The following SKA2 variants were observed in gnomAD, a reference collection of about 807,000 sequenced individuals.
SKA2 encodes spindle and kinetochore-associated protein 2.
SKA2 carries 13 observed loss-of-function variants against 16.9 expected under a neutral mutation model. That is an observed-to-expected ratio of 0.77 (90% CI 0.50 to 1.22). The LOEUF is 1.22. Among genes scored for constraint, SKA2 ranks in the 50% most tolerant of loss-of-function variants. The pLI is 0.00. For synonymous variants in SKA2, 47 were observed against 48.5 expected, an observed-to-expected ratio of 0.97 and a Z score of 0.13; for missense variants, 107 against 139.7, an observed-to-expected ratio of 0.77 and a Z score of 1.18.
chr17:59,154,852 A>G, intron 1 of SKA2: 1 of 1,252,642 alleles, frequency 8.0e-7, no homozygotes, highest in Non-Finnish European at 1.1e-6. Context: ...GCAGTTTCGT[A>G]AGGGGTGTAA....
At chr17:59,131,501 A>C (rs1281135439) in intron 1 of SKA2, 134 bp from the exon 2 acceptor site, 1 of 513,576 alleles carries the variant, frequency 1.9e-6, no homozygotes, top group Non-Finnish European at 3.3e-6. Context: ...TGTGGAAATA[A>C]AAAGTATATA....
At chr17:59,149,113 T>G (rs2046557246) in intron 1 of SKA2, among the ~76,000 whole-genome samples, 1 of 152,198 alleles carries the variant, frequency 6.6e-6, no homozygotes, top group African/African-American at 2.4e-5. Context: ...TTTTAGCAGT[T>G]GCTTATAAGA....
intron 1 of SKA2, among the ~76,000 whole-genome samples, chr17:59,141,528 C>T (rs569402374): frequency 6.6e-6 from 1 of 152,004 alleles, no homozygotes; most frequent in African/African-American, 2.4e-5. Flanking sequence ...GAGTTCAAGA[C>T]CAGCCTAGCC....
Position 59,154,946 on chromosome 17 carries a change from A to G in SKA2, c.33+185T>C, listed in dbSNP as rs199522186. The G allele has an allele frequency of 2.5e-6, 4 of 1,613,544 alleles. No individual in the cohort carries two copies. In the Admixed American group the frequency reaches 6.7e-5, roughly 27 times the overall value. ...TTTCCCTGACGAGTTTCCCGGATGT[A>G]ACCCCTTACCCGAGGCGGTTTAGAC... On this transcript the variant is annotated intron_variant, in intron 1 of 3. Coordinates refer to ENST00000330137, the MANE Select transcript of SKA2 (RefSeq NM_182620.4).
chr17:59,114,372 T>G (rs562733907), intron 3 of SKA2, among the ~76,000 whole-genome samples: 1 of 152,336 alleles, frequency 6.6e-6, no homozygotes, highest in Admixed American at 6.5e-5. Flanking sequence ...CATCACAGAC[T>G]GTACTTACAC....
intron 2 of SKA2, among the ~76,000 whole-genome samples, chr17:59,126,987 A>G (rs919710228): frequency 1.3e-5 from 2 of 152,270 alleles, no homozygotes; most frequent in African/African-American, 4.8e-5. Flanking sequence ...TGAGAACATT[A>G]TAAGTGACAT....
At chr17:59,120,865 G>A (rs2046327584) in intron 2 of SKA2, among the ~76,000 whole-genome samples, 2 of 151,984 alleles carry the variant, frequency 1.3e-5, no homozygotes. Flanking sequence ...ATCAAACAAA[G>A]GGTTAGGCCG....
chr17:59,145,880 C>T (rs1361077497), intron 1 of SKA2, among the ~76,000 whole-genome samples: 5 of 151,864 alleles, frequency 3.3e-5, no homozygotes, highest in Admixed American at 6.6e-5. Context: ...GTGTCAGCTA[C>T]TCGTAAGGCT....
In SKA2 at chr17:59,112,213, T is replaced by C. The variant is rs2046268031; in HGVS notation, c.*64A>G. On this transcript the variant is annotated 3_prime_UTR_variant, in exon 4 of 4. Coordinates refer to ENST00000330137, the MANE Select transcript of SKA2 (RefSeq NM_182620.4). ...CTAGACATCAAGGGTTAACAAGACA[T>C]CTTCCTAAATTTCTCCGGAATTAAG... 5 of 1,374,496 alleles carry C rather than the reference T, an allele frequency of 3.6e-6. No individual in the cohort carries two copies. Among genetic ancestry groups the C allele is most frequent in the Middle Eastern group, 2.5e-4 (1 of 3,936 alleles). The allele number at this position is 1,374,496 out of a possible 1,614,324, so 85.1% of individuals were successfully genotyped here.
chr17:59,128,147 G>A (rs963145275), intron 2 of SKA2, among the ~76,000 whole-genome samples: 7 of 151,798 alleles, frequency 4.6e-5, no homozygotes, highest in Non-Finnish European at 7.4e-5. Flanking sequence ...CCCAGGAGGC[G>A]GAGGTTGCAG....
At chr17:59,139,597 G>A (rs1248529579) in intron 1 of SKA2, among the ~76,000 whole-genome samples, 1 of 151,796 alleles carries the variant, frequency 6.6e-6, no homozygotes, top group Non-Finnish European at 1.5e-5. Context: ...TAATCTGCCC[G>A]CCTTGGCCTC....
chr17:59,139,126 A>G lies in SKA2; in HGVS notation c.34-7759T>C, dbSNP rs181915834. 2.5e-4 allele frequency among the ~76,000 whole-genome samples: 38 copies of G among 152,232 alleles called. 2 individuals carry two copies. The East Asian group carries it at 7.4e-3, about 30-fold the overall frequency. On this transcript the variant is annotated intron_variant, in intron 1 of 3. Transcript: ENST00000330137. ...AGAAATGCATTTTCCGGCTGGGCGC[A>G]GTGGCTCACGCCTGTAATCCCAGCA...
At chr17:59,123,408 T>C (rs1406644422) in intron 2 of SKA2, among the ~76,000 whole-genome samples, 2 of 151,674 alleles carry the variant, frequency 1.3e-5, no homozygotes, top group East Asian at 1.9e-4. Context: ...AATACAAAAA[T>C]TAGCTGGGCA....
At chr17:59,115,701 G>A (rs532783300) in intron 3 of SKA2, among the ~76,000 whole-genome samples, 14 of 152,108 alleles carry the variant, frequency 9.2e-5, no homozygotes, top group Non-Finnish European at 1.9e-4. Context: ...TCGAGCAATC[G>A]TCCCACCTCA....
Position 59,110,319 on chromosome 17 carries a change from A to G in SKA2, c.*1958T>C, listed in dbSNP as rs1056824093. The G allele has an allele frequency of 5.9e-5, 9 of 152,152 alleles. No homozygotes were observed. The highest frequency in any genetic ancestry group is 3.3e-4 in the Admixed American group (5 of 15,256). The allele number at this position is 152,152 out of a possible 1,614,324, so 9.4% of individuals were successfully genotyped here. A position where few individuals can be genotyped will look rare whatever the true frequency, so the allele number is the denominator to read the frequency against. ...AATTTTTCTCCCTAACTGAAAGCAA[A>G]ACCACTTTTAATACTAAGAATTTAT... On this transcript the variant is annotated 3_prime_UTR_variant, in exon 4 of 4. Transcript: ENST00000330137.
chr17:59,123,672 C>T (rs1405780627), intron 2 of SKA2, among the ~76,000 whole-genome samples: 1 of 152,114 alleles, frequency 6.6e-6, no homozygotes, highest in African/African-American at 2.4e-5. Flanking sequence ...CCTCAGCATC[C>T]CAAGTAGCTG....
chr17:59,137,701 T>C lies in SKA2; in HGVS notation c.34-6334A>G, dbSNP rs2046456247. The C allele has an allele frequency of 8.1e-6, 4 of 491,616 alleles. No individual in the cohort carries two copies. The Admixed American group carries it at 1.0e-4, about 12-fold the overall frequency. 30.5% of individuals were successfully genotyped at this position (491,616 alleles called of 1,614,324 possible). A position where few individuals can be genotyped will look rare whatever the true frequency, so the allele number is the denominator to read the frequency against. ...TTTAATGTTTATAGTGAAATCTAGT[T>C]CCTTGTTTTCTTCCTAAAGATGACT... On this transcript the variant is annotated intron_variant, in intron 1 of 3. Coordinates refer to ENST00000330137, the MANE Select transcript of SKA2 (RefSeq NM_182620.4).
intron 1 of SKA2, among the ~76,000 whole-genome samples, chr17:59,145,762 G>A (rs2046527309): frequency 6.6e-6 from 1 of 152,100 alleles, no homozygotes; most frequent in African/African-American, 2.4e-5. Flanking sequence ...GCTGAGGTAG[G>A]AGGATCATTT....
At chr17:59,145,680 C>CACT (rs1242714793) in intron 1 of SKA2, among the ~76,000 whole-genome samples, 4 of 152,090 alleles carry the variant, frequency 2.6e-5, no homozygotes, top group Non-Finnish European at 5.9e-5. Context: ...GCCTCTGTTA[C>CACT]TAGCCCGATC....
Sources: allele counts gnomAD v4.1 joint callset (sites outside exome capture counted in the v4.1 genomes callset), GRCh38; gene constraint gnomAD v4.1.1; transcripts MANE v1.5; gene names NCBI Gene and HGNC (gene_info 2026-07-23, HGNC 2026-07-21).